The following LOC400499 variants were observed in gnomAD, a reference collection of about 807,000 sequenced individuals.
the LOC400499 span, among the ~76,000 whole-genome samples, chr16:11,431,913 T>C: frequency 2.4e-4 from 37 of 152,272 alleles, no homozygotes; most frequent in African/African-American, 8.7e-4. Flanking sequence ...GAAGTGACAA[T>C]GTAGAACTTT....
chr16:11,523,185 G>T, the LOC400499 span, among the ~76,000 whole-genome samples: 3 of 152,206 alleles, frequency 2.0e-5, 1 homozygote, highest in Non-Finnish European at 1.5e-5. Flanking sequence ...AGCCTTGGGG[G>T]CTGGGATGGC....
At chr16:11,457,137 A>G in the LOC400499 span, 1 of 1,162,638 alleles carries the variant, frequency 8.6e-7, no homozygotes, top group Non-Finnish European at 1.2e-6. Context: ...CCAAGATTGC[A>G]CTACTGCACT....
the LOC400499 span, chr16:11,392,701 T>G: frequency 1.2e-6 from 1 of 867,208 alleles, no homozygotes; most frequent in Non-Finnish European, 1.4e-6. Context: ...GACACGGCAG[T>G]CAGTTAGGGA....
At chr16:11,471,485 C>T in the LOC400499 span, 3 of 396,542 alleles carry the variant, frequency 7.6e-6, no homozygotes, top group Non-Finnish European at 1.3e-5. Context: ...ATCATACAGC[C>T]CCAGATGGAG....
At chr16:11,497,134 G>A in the LOC400499 span, among the ~76,000 whole-genome samples, 2 of 152,300 alleles carry the variant, frequency 1.3e-5, no homozygotes, top group African/African-American at 4.8e-5. Context: ...GTGCAGGTCT[G>A]TGCATGTACA....
chr16:11,523,524 G>C, the LOC400499 span: 2 of 398,470 alleles, frequency 5.0e-6, no homozygotes, highest in Non-Finnish European at 8.9e-6. Flanking sequence ...AGAGGCATAA[G>C]ATAGCCCCAC....
the LOC400499 span, chr16:11,372,148 C>T: frequency 6.6e-6 from 1 of 152,238 alleles, no homozygotes; most frequent in Non-Finnish European, 1.5e-5. Context: ...AACAGAGGCC[C>T]TCCCCAGGGT....
the LOC400499 span, chr16:11,390,117 C>T: frequency 8.1e-7 from 1 of 1,232,306 alleles, no homozygotes; most frequent in Non-Finnish European, 1.0e-6. Context: ...GGCCGACAGG[C>T]TGTACAGGTC....
chr16:11,474,283 C>T, the LOC400499 span, among the ~76,000 whole-genome samples: 1 of 152,180 alleles, frequency 6.6e-6, no homozygotes, highest in African/African-American at 2.4e-5. Context: ...TCCCATACAA[C>T]TTTATTTCTG....
the LOC400499 span, among the ~76,000 whole-genome samples, chr16:11,422,435 C>A: frequency 1.6e-3 from 248 of 150,590 alleles, 1 homozygote; most frequent in African/African-American, 5.8e-3. Flanking sequence ...AGGAACAGAA[C>A]GGAACGGAAA....
At chr16:11,514,160 C>G in the LOC400499 span, among the ~76,000 whole-genome samples, 1,231 of 152,276 alleles carry the variant, frequency 8.1e-3, 18 homozygotes, top group African/African-American at 0.028. Context: ...CAAGCCAGGG[C>G]CATTTGATCT....
chr16:11,387,074 C>A, the LOC400499 span: 1 of 1,231,460 alleles, frequency 8.1e-7, no homozygotes, highest in East Asian at 3.2e-5. Flanking sequence ...AGGGGGCTCT[C>A]AGGGAGGAGG....
chr16:11,395,030 G>A, the LOC400499 span, among the ~76,000 whole-genome samples: 8 of 152,372 alleles, frequency 5.3e-5, no homozygotes, highest in Admixed American at 3.9e-4. Flanking sequence ...TGGTAATAGG[G>A]CTACAGCCCA....
the LOC400499 span, among the ~76,000 whole-genome samples, chr16:11,422,030 C>T: frequency 4.6e-5 from 7 of 152,374 alleles, no homozygotes; most frequent in African/African-American, 1.7e-4. Context: ...CCCAGTGACA[C>T]ATTTCAGTTC....
chr16:11,391,220 C>T, the LOC400499 span, among the ~76,000 whole-genome samples: 2 of 152,218 alleles, frequency 1.3e-5, no homozygotes, highest in Non-Finnish European at 2.9e-5. Context: ...TGGGCATTAG[C>T]CCTGGATGGC....
the LOC400499 span, among the ~76,000 whole-genome samples, chr16:11,409,649 A>T: frequency 1.3e-5 from 2 of 152,246 alleles, no homozygotes; most frequent in Admixed American, 1.3e-4. Flanking sequence ...TTGAAAGAAC[A>T]TTAGTGGGAA....
chr16:11,386,400 C>T, the LOC400499 span, among the ~76,000 whole-genome samples: 2 of 152,372 alleles, frequency 1.3e-5, no homozygotes, highest in South Asian at 2.1e-4. Context: ...CCCACGGTCA[C>T]ACACATGGAA....
At chr16:11,411,492 G>C in the LOC400499 span, among the ~76,000 whole-genome samples, 2 of 152,190 alleles carry the variant, frequency 1.3e-5, no homozygotes, top group African/African-American at 4.8e-5. Context: ...AGGCCCAAGG[G>C]CCATACGGTG....
At chr16:11,429,647 T>G in the LOC400499 span, among the ~76,000 whole-genome samples, 1 of 152,088 alleles carries the variant, frequency 6.6e-6, no homozygotes, top group South Asian at 2.1e-4. Context: ...CTAATTTTTG[T>G]GTTTTCAGTA....
Sources: allele counts gnomAD v4.1 joint callset (sites outside exome capture counted in the v4.1 genomes callset), GRCh38; gene constraint gnomAD v4.1.1; transcripts MANE v1.5.